Variants in FSTL5 observed in about 807,000 individuals in gnomAD.
FSTL5 encodes the protein follistatin-related protein 5.
A neutral mutation model predicts 89.1 loss-of-function variants in FSTL5; 62 were observed. The observed-to-expected ratio is 0.70, with a 90% CI of 0.57 to 0.86. FSTL5 has a LOEUF of 0.86. Ranked by LOEUF, FSTL5 falls within the 40% of genes least tolerant of loss-of-function variation. The pLI is 0.00. For missense variants in FSTL5, 1,057 were observed against 1,001.6 expected (o/e 1.06, Z -0.75); for synonymous variants, 383 against 346.2 (o/e 1.11, Z -1.18).
At position 161,784,289 on chromosome 4, in the gene FSTL5, G is replaced by C. The variant is rs530969847; in HGVS notation, c.410-8215C>G. On this transcript the variant is annotated intron_variant, in intron 4 of 15. Coordinates refer to ENST00000306100, the MANE Select transcript of FSTL5 (RefSeq NM_020116.5). ...GGCCTTAACAGTTTTGATTGTAGCA[G>C]CCTGTGCTTTACAGACATTGTTAAT... 9.9e-5 allele frequency among the ~76,000 whole-genome samples: 15 copies of C among 152,132 alleles called. No individual in the cohort carries two copies. The South Asian group carries it at 3.1e-3, about 32-fold the overall frequency.
At chr4:161,857,884 T>C (rs1731770455) in intron 4 of FSTL5, among the ~76,000 whole-genome samples, 1 of 152,166 alleles carries the variant, frequency 6.6e-6, no homozygotes, top group Non-Finnish European at 1.5e-5. Context: ...GGTTAACTAC[T>C]AGTCAGTTAA....
chr4:162,144,164 C>T (rs939016367), intron 1 of FSTL5, among the ~76,000 whole-genome samples: 11 of 152,048 alleles, frequency 7.2e-5, no homozygotes, highest in East Asian at 5.8e-4. Context: ...GACTGGTCTG[C>T]GGGAGATAAA....
intron 2 of FSTL5, among the ~76,000 whole-genome samples, chr4:162,103,053 G>T (rs1340142561): frequency 1.3e-5 from 2 of 151,970 alleles, no homozygotes; most frequent in African/African-American, 4.8e-5. Flanking sequence ...ACCACCTACA[G>T]ATCTATAATA....
intron 3 of FSTL5, among the ~76,000 whole-genome samples, chr4:161,997,599 ATCTTTTT>A (rs1399883104): frequency 9.5e-6 from 1 of 105,144 alleles, no homozygotes; most frequent in Non-Finnish European, 1.9e-5. Flanking sequence ...TATACATGTT[ATCTTTTT>A]TTTTTTTTTT....
chr4:162,040,002 T>G (rs1737887890), intron 2 of FSTL5, among the ~76,000 whole-genome samples: 1 of 152,036 alleles, frequency 6.6e-6, no homozygotes, highest in Admixed American at 6.6e-5. Context: ...CTGAAAATAG[T>G]CAATGGATAA....
chr4:161,733,289 C>A (rs1167490415), intron 6 of FSTL5, among the ~76,000 whole-genome samples: 1 of 151,730 alleles, frequency 6.6e-6, no homozygotes, highest in Non-Finnish European at 1.5e-5. Flanking sequence ...ATTTTAATTT[C>A]CAGTTGTTTG....
intron 6 of FSTL5, among the ~76,000 whole-genome samples, chr4:161,732,141 A>G (rs753837228): frequency 9.9e-5 from 15 of 152,130 alleles, no homozygotes; most frequent in Non-Finnish European, 1.9e-4. Flanking sequence ...TCAGCAGTGC[A>G]TAATAATTTC....
intron 7 of FSTL5, among the ~76,000 whole-genome samples, chr4:161,649,459 A>G (rs555062729): frequency 1.5e-3 from 231 of 152,338 alleles, no homozygotes; most frequent in African/African-American, 5.3e-3. Context: ...AATTAAGAAG[A>G]GGCCTATAAA....
chr4:162,003,761 G>C lies in FSTL5; in HGVS notation c.160+29864C>G, dbSNP rs866383452. Among the ~76,000 whole-genome samples, 120 of 152,232 alleles carry C rather than the reference G, an allele frequency of 7.9e-4. 1 individual carries two copies. The highest frequency in any genetic ancestry group is 2.8e-3 in the African/African-American group (115 of 41,552). On this transcript the variant is annotated intron_variant, in intron 3 of 15. Transcript: ENST00000306100. ...TTAAGCACAAAAATAATAAACTATT[G>C]AATGCAATGATATATGTGCAAGTTA...
chr4:161,895,975 A>T (rs1733145997), intron 4 of FSTL5, among the ~76,000 whole-genome samples: 1 of 152,190 alleles, frequency 6.6e-6, no homozygotes, highest in South Asian at 2.1e-4. Flanking sequence ...ATTGGGCTTT[A>T]CCAAAGTCAC....
At chr4:161,672,763 G>T in intron 6 of FSTL5, among the ~76,000 whole-genome samples, 1 of 148,140 alleles carries the variant, frequency 6.8e-6, no homozygotes, top group African/African-American at 2.5e-5. Flanking sequence ...TTGATTTTAA[G>T]TAATTTTTTA....
intron 1 of FSTL5, among the ~76,000 whole-genome samples, chr4:162,120,634 G>A (rs1421276887): frequency 9.9e-5 from 15 of 151,988 alleles, no homozygotes; most frequent in Admixed American, 6.5e-5. Flanking sequence ...AATTGACTGT[G>A]AAGTGAGTCA....
At position 161,967,382 on chromosome 4, in the gene FSTL5, A is replaced by C. The variant is rs893607051; in HGVS notation, c.161-46730T>G. On this transcript the variant is annotated intron_variant, in intron 3 of 15. Transcript: ENST00000306100. ...CAATATTTTACTCAACAAAAAACAG[A>C]TACAAAAGAAAACCACAAAAATAGA... Among the ~76,000 whole-genome samples, 3 of 152,034 alleles carry C rather than the reference A, an allele frequency of 2.0e-5. No individual in the cohort carries two copies. In the East Asian group the frequency reaches 5.8e-4, roughly 29 times the overall value.
rs574930997 is a variant in FSTL5 at position 161,428,259 on chromosome 4, C to T, written c.1841+26745G>A. On this transcript the variant is annotated intron_variant, in intron 15 of 15. Transcript: ENST00000306100. ...CTCACCCCCACGGGCTAAAGGGCTC[C>T]GGGGTCCTAAATAAATTGAAAGGCA... Among the ~76,000 whole-genome samples, 6 of 152,284 alleles carry T rather than the reference C, an allele frequency of 3.9e-5. No individual in the cohort carries two copies. The East Asian group carries it at 5.8e-4, about 15-fold the overall frequency.
At chr4:161,773,651 T>C (rs1412613966) in intron 5 of FSTL5, among the ~76,000 whole-genome samples, 1 of 152,162 alleles carries the variant, frequency 6.6e-6, no homozygotes, top group Non-Finnish European at 1.5e-5. Flanking sequence ...TGATACCACC[T>C]TACTCCTGCA....
At position 161,696,639 on chromosome 4, in the gene FSTL5, T is replaced by C. The variant is rs577929251; in HGVS notation, c.728-40145A>G. Reference sequence around the variant, plus strand: ...TATGATTTCTCTCAGCAGTGTTTTATAGTTTCCCTTGTAGAGGTCTTTCTC... The same window carrying C: ...TATGATTTCTCTCAGCAGTGTTTTACAGTTTCCCTTGTAGAGGTCTTTCTC... On this transcript the variant is annotated intron_variant, in intron 6 of 15. Transcript: ENST00000306100. 9.5e-4 allele frequency among the ~76,000 whole-genome samples: 145 copies of C among 152,338 alleles called. 2 individuals are homozygous for C. Among genetic ancestry groups the C allele is most frequent in the South Asian group, 8.7e-3 (42 of 4,828 alleles).
intron 4 of FSTL5, among the ~76,000 whole-genome samples, chr4:161,785,055 C>T (rs541943596): frequency 1.6e-4 from 24 of 152,022 alleles, no homozygotes; most frequent in Non-Finnish European, 3.1e-4. Context: ...TATAATGACA[C>T]TAAGAAGTAA....
intron 2 of FSTL5, among the ~76,000 whole-genome samples, chr4:162,052,690 T>C (rs545015016): frequency 1.1e-3 from 170 of 151,862 alleles, no homozygotes; most frequent in Admixed American, 2.6e-3. Context: ...TCTCCAAGAA[T>C]ACAGTGCTGA....
intron 2 of FSTL5, among the ~76,000 whole-genome samples, chr4:162,059,667 A>T (rs1042259479): frequency 1.3e-5 from 2 of 152,166 alleles, no homozygotes; most frequent in African/African-American, 4.8e-5. Flanking sequence ...CCAAAGGCAC[A>T]GTGGAATAGA....
Sources: allele counts gnomAD v4.1 joint callset (sites outside exome capture counted in the v4.1 genomes callset), GRCh38; gene constraint gnomAD v4.1.1; transcripts MANE v1.5; gene names NCBI Gene and HGNC (gene_info 2026-07-23, HGNC 2026-07-21).